GPR160: variants seen among roughly 807,000 people sequenced by gnomAD.
GPR160 encodes the protein probable G protein-coupled receptor 160.
Under a neutral mutation model 2.6 loss-of-function variants are expected in GPR160, and 2 were observed. That is an observed-to-expected ratio of 0.77 (90% CI 0.32 to 2.44). The LOEUF (loss-of-function observed/expected upper bound fraction) is 2.44, where lower values mean the gene tolerates loss of function less well. Among genes scored for constraint, GPR160 ranks in the 30% most tolerant of loss-of-function variants. GPR160 has a pLI of 0.11. For missense variants in GPR160, 351 were observed against 383.6 expected (o/e 0.91, Z 0.71); for synonymous variants, 130 against 132.2 (o/e 0.98, Z 0.12).
At chr3:170,065,915 C>T (rs1712304578) in intron 2 of GPR160, among the ~76,000 whole-genome samples, 1 of 151,836 alleles carries the variant, frequency 6.6e-6, no homozygotes. Context: ...ACCCCTGTAA[C>T]CACTGTCTTT....
intron 2 of GPR160, among the ~76,000 whole-genome samples, chr3:170,039,284 G>A (rs1052982771): frequency 2.0e-5 from 3 of 152,202 alleles, no homozygotes; most frequent in Non-Finnish European, 4.4e-5. Context: ...TGTCAGTGAG[G>A]ATCAGCTTGG....
intron 2 of GPR160, chr3:170,062,643 C>G (rs750525253): frequency 6.3e-6 from 9 of 1,428,360 alleles, no homozygotes; most frequent in Middle Eastern, 2.2e-4. Flanking sequence ...TGTGATTCCA[C>G]CAATGCAGCC....
intron 2 of GPR160, among the ~76,000 whole-genome samples, chr3:170,064,175 G>C (rs1712161200): frequency 6.6e-6 from 1 of 152,186 alleles, no homozygotes; most frequent in Non-Finnish European, 1.5e-5. Flanking sequence ...GAGATTTGTA[G>C]TGGGACCAGA....
At chr3:170,065,244 T>C (rs550898351) in intron 2 of GPR160, among the ~76,000 whole-genome samples, 34 of 152,342 alleles carry the variant, frequency 2.2e-4, no homozygotes, top group Non-Finnish European at 4.9e-4. Context: ...TGTTTTCCTT[T>C]CAGTTATCTG....
At chr3:170,053,593 C>T (rs924500548) in intron 2 of GPR160, among the ~76,000 whole-genome samples, 10 of 152,028 alleles carry the variant, frequency 6.6e-5, no homozygotes, top group African/African-American at 2.4e-4. Flanking sequence ...TTTATTTTCT[C>T]GCCTTACTGA....
At position 170,084,921 on chromosome 3, in the gene GPR160, T is replaced by C. The variant is rs757231798; in HGVS notation, c.949T>C (p.Cys317Arg). The part of the protein sequence containing the change: ...PLDPFVNWKC[C>R]FIPLTIPNLE... ...GGATCCATTTGTCAACTGGAAGTGC[T>C]GCTTCATTCCACTTACAATTCCTAA... is the stretch of plus-strand genomic sequence containing the variant. The change falls in exon 4 of 4, where the codon TGC (cysteine) becomes CGC (arginine). Residue 317 changes from cysteine (C) to arginine (R), a missense_variant. Physicochemically the swap from Cys to Arg is radical, Grantham distance 180. Coordinates refer to ENST00000355897, the MANE Select transcript of GPR160 (RefSeq NM_014373.3). The C allele has an allele frequency of 1.9e-5, 31 of 1,602,808 alleles. No individual in the cohort carries two copies. The highest frequency in any genetic ancestry group is 2.3e-5 in the Non-Finnish European group (27 of 1,172,666).
intron 3 of GPR160, among the ~76,000 whole-genome samples, chr3:170,080,237 T>C (rs976920277): frequency 6.6e-6 from 1 of 152,166 alleles, no homozygotes; most frequent in African/African-American, 2.4e-5. Flanking sequence ...AAACAAAATA[T>C]TGGAATTTTG....
chr3:170,052,201 T>TCCCAG (rs1716987445), intron 2 of GPR160, among the ~76,000 whole-genome samples: 1 of 152,268 alleles, frequency 6.6e-6, no homozygotes, highest in Non-Finnish European at 1.5e-5. Flanking sequence ...ACTGGGATTA[T>TCCCAG]AGGCGTGAGC....
At chr3:170,083,756 G>A (rs1713260057) in intron 3 of GPR160, 149 bp from the exon 4 acceptor site, 2 of 377,034 alleles carry the variant, frequency 5.3e-6, no homozygotes, top group Admixed American at 4.4e-5. Flanking sequence ...ATTTTGTTCT[G>A]TATTCTATTA....
chr3:170,049,710 G>A (rs781432418), intron 2 of GPR160: 2 of 152,960 alleles, frequency 1.3e-5, no homozygotes, highest in Non-Finnish European at 2.9e-5. Context: ...AGGAAGTGAC[G>A]GAAGGATGGG....
At chr3:170,073,209 A>G (rs534205207) in intron 2 of GPR160, among the ~76,000 whole-genome samples, 1 of 152,098 alleles carries the variant, frequency 6.6e-6, no homozygotes, top group Non-Finnish European at 1.5e-5. Context: ...AGAAAAAATT[A>G]TTGCCTATTA....
At chr3:170,048,251 A>G (rs1242417161) in intron 2 of GPR160, among the ~76,000 whole-genome samples, 1 of 152,226 alleles carries the variant, frequency 6.6e-6, no homozygotes, top group East Asian at 1.9e-4. Flanking sequence ...ATAATGGACT[A>G]TGGAGACTCA....
chr3:170,042,250 AATAAAG>A lies in GPR160; in HGVS notation c.-193+3213_-193+3218del, dbSNP rs1002034163. Among the ~76,000 whole-genome samples the A allele has an allele frequency of 5.3e-4, 81 of 151,886 alleles. 1 individual carries two copies. The highest frequency in any genetic ancestry group is 1.9e-3 in the African/African-American group (80 of 41,402). On this transcript the variant is annotated intron_variant, in intron 2 of 3. Transcript: ENST00000355897. ...ATAGTGAGACCTTGACTCCACAAAA[AATAAAG>A]ATAAATAAATAAAAATTAGCCAGGT...
At chr3:170,071,328 A>G (rs189551150) in intron 2 of GPR160, among the ~76,000 whole-genome samples, 302 of 152,294 alleles carry the variant, frequency 2.0e-3, no homozygotes, top group African/African-American at 7.0e-3. Flanking sequence ...CTGGTCATTT[A>G]AAAGCATGTG....
chr3:170,078,360 G>C (rs1712968397), intron 2 of GPR160, among the ~76,000 whole-genome samples: 1 of 152,130 alleles, frequency 6.6e-6, no homozygotes, highest in African/African-American at 2.4e-5. Context: ...AGAGGAGACA[G>C]AGGTTTTCCC....
rs1194483023 is a variant in GPR160, at chr3:170,085,234, A to AT, written c.*247dup. ...ACTATATTACAAATATTACTTTGTTATTAACACAAAAAGTGATAAGAGTTA... is the reference window on the plus strand; with the variant it reads ...ACTATATTACAAATATTACTTTGTTATTTAACACAAAAAGTGATAAGAGTTA... On this transcript the variant is annotated 3_prime_UTR_variant, in exon 4 of 4. Coordinates refer to ENST00000355897, the MANE Select transcript of GPR160 (RefSeq NM_014373.3). 7.4e-6 allele frequency: 2 copies of AT among 271,160 alleles called. No homozygotes were observed. The highest frequency in any genetic ancestry group is 4.4e-5 in the African/African-American group (2 of 45,096). 16.8% of individuals were successfully genotyped at this position (271,160 alleles called of 1,614,324 possible). A position where few individuals can be genotyped will look rare whatever the true frequency, so the allele number is the denominator to read the frequency against.
intron 2 of GPR160, among the ~76,000 whole-genome samples, chr3:170,067,243 G>A (rs566772268): frequency 6.6e-6 from 1 of 152,268 alleles, no homozygotes; most frequent in South Asian, 2.1e-4. Flanking sequence ...GGACTCAAAC[G>A]ATCCTTCTGC....
intron 2 of GPR160, among the ~76,000 whole-genome samples, chr3:170,061,499 C>T (rs916008150): frequency 5.9e-5 from 9 of 151,732 alleles, no homozygotes; most frequent in Non-Finnish European, 1.2e-4. Context: ...ATTAATGGGA[C>T]AGTTTTAATA....
At chr3:170,050,233 T>A (rs1716899998) in intron 2 of GPR160, among the ~76,000 whole-genome samples, 1 of 149,746 alleles carries the variant, frequency 6.7e-6, no homozygotes. Context: ...CTAATTTACT[T>A]CTTCTTCTTT....
Sources: allele counts gnomAD v4.1 joint callset (sites outside exome capture counted in the v4.1 genomes callset), GRCh38; gene constraint gnomAD v4.1.1; transcripts MANE v1.5; gene names NCBI Gene and HGNC (gene_info 2026-07-23, HGNC 2026-07-21).